Variants in CACNA1E observed in about 807,000 individuals in gnomAD.
The protein encoded by CACNA1E is voltage-dependent R-type calcium channel subunit alpha-1E.
A neutral mutation model predicts 259.2 loss-of-function variants in CACNA1E; 40 were observed. The observed-to-expected ratio is 0.15, with a 90% CI of 0.12 to 0.20. CACNA1E has a LOEUF of 0.20. Ranked by LOEUF, CACNA1E falls within the 10% of genes least tolerant of loss-of-function variation. CACNA1E has a pLI of 1.00. For missense variants in CACNA1E, 1,874 were observed against 3,040.1 expected (o/e 0.62, Z 9.02); for synonymous variants, 1,104 against 1,138.5 (o/e 0.97, Z 0.61).
intron 16 of CACNA1E, among the ~76,000 whole-genome samples, chr1:181,723,897 G>A (rs1454506346): frequency 2.6e-5 from 4 of 152,186 alleles, no homozygotes; most frequent in South Asian, 2.1e-4. Context: ...GAAGCTCTCC[G>A]AACCCTGTCC....
rs143725966 is a variant in CACNA1E at position 181,493,739 on chromosome 1, T to A, written c.266+9729T>A. 6.0e-3 allele frequency among the ~76,000 whole-genome samples: 921 copies of A among 152,284 alleles called. 8 individuals are homozygous for A. Among genetic ancestry groups the A allele is most frequent in the Non-Finnish European group, 7.7e-3 (526 of 68,028 alleles). On this transcript the variant is annotated intron_variant, in intron 1 of 47. Transcript: ENST00000367573. ...TTAAATTTTACTGACTTAATTTTAG[T>A]TAAGTTTAAATAGCCACATATGGCT... is the stretch of plus-strand genomic sequence containing the variant.
chr1:181,333,939 A>G (rs1335057066), intron 1 of CACNA1E, among the ~76,000 whole-genome samples: 2 of 152,248 alleles, frequency 1.3e-5, no homozygotes, highest in Non-Finnish European at 2.9e-5. Flanking sequence ...TACAGGCGTG[A>G]GCCACTACGC....
intron 7 of CACNA1E, among the ~76,000 whole-genome samples, chr1:181,682,652 G>A (rs181625812): frequency 1.3e-5 from 2 of 152,282 alleles, no homozygotes; most frequent in Admixed American, 6.5e-5. Context: ...CATGATTCTG[G>A]TATCTGCTGA....
intron 1 of CACNA1E, among the ~76,000 whole-genome samples, chr1:181,350,510 C>T (rs778947022): frequency 1.6e-4 from 24 of 152,168 alleles, no homozygotes; most frequent in Non-Finnish European, 2.9e-4. Context: ...GCTGGCTCCA[C>T]GTCTCCAATG....
At chr1:181,461,540 CAAAAAAAAAAAA>C (rs10607931) in intron 2 of CACNA1E, among the ~76,000 whole-genome samples, 1 of 82,044 alleles carries the variant, frequency 1.2e-5, no homozygotes, top group South Asian at 4.3e-4. Context: ...GACTCCATCT[CAAAAAAAAAAAA>C]AAAAAAAAAA....
At chr1:181,379,777 T>C (rs1233584818) in intron 1 of CACNA1E, among the ~76,000 whole-genome samples, 1 of 151,970 alleles carries the variant, frequency 6.6e-6, no homozygotes, top group African/African-American at 2.4e-5. Context: ...ACATATGAAT[T>C]TGAGGGGGAC....
chr1:181,528,546 G>T (rs1020460482), intron 3 of CACNA1E, among the ~76,000 whole-genome samples: 1 of 152,218 alleles, frequency 6.6e-6, no homozygotes, highest in Non-Finnish European at 1.5e-5. Flanking sequence ...AAAGGAAAAT[G>T]TGAGAAAGTT....
At position 181,801,643 on chromosome 1, in the gene CACNA1E, T is replaced by G. The variant is rs747092091; in HGVS notation, c.*2809T>G. 3 of 152,240 alleles carry G rather than the reference T, an allele frequency of 2.0e-5. No individual in the cohort carries two copies. Among genetic ancestry groups the G allele is most frequent in the Non-Finnish European group, 4.4e-5 (3 of 68,046 alleles). 9.4% of individuals were successfully genotyped at this position (152,240 alleles called of 1,614,324 possible). On this transcript the variant is annotated 3_prime_UTR_variant, in exon 48 of 48. Coordinates refer to ENST00000367573, the MANE Select transcript of CACNA1E (RefSeq NM_001205293.3). ...AAAGTGAATGCCAGCCTTCCCTTGC[T>G]GGGTGTCAGAGTCTGCCTCCCTTGA...
intron 2 of CACNA1E, among the ~76,000 whole-genome samples, chr1:181,420,707 C>T (rs1289568006): frequency 2.6e-5 from 4 of 152,040 alleles, no homozygotes; most frequent in African/African-American, 9.7e-5. Context: ...TAATAGGTAC[C>T]ATGATGAAGA....
intron 3 of CACNA1E, among the ~76,000 whole-genome samples, chr1:181,539,544 A>G (rs1002269250): frequency 6.6e-6 from 1 of 152,170 alleles, no homozygotes; most frequent in African/African-American, 2.4e-5. Flanking sequence ...GAGGAAGAAT[A>G]TATTATTCCC....
At chr1:181,509,987 A>T (rs1666028260) in intron 1 of CACNA1E, among the ~76,000 whole-genome samples, 1 of 152,234 alleles carries the variant, frequency 6.6e-6, no homozygotes, top group South Asian at 2.1e-4. Flanking sequence ...TCTAGAAGAG[A>T]GGACTCCAGT....
chr1:181,684,302 T>C (rs1650290462), intron 7 of CACNA1E, among the ~76,000 whole-genome samples: 1 of 152,204 alleles, frequency 6.6e-6, no homozygotes, highest in Non-Finnish European at 1.5e-5. Context: ...TGCTTGTTCA[T>C]GTCTTTTGTC....
chr1:181,470,979 C>T (rs147241018), intron 2 of CACNA1E, among the ~76,000 whole-genome samples: 10 of 152,200 alleles, frequency 6.6e-5, no homozygotes, highest in Non-Finnish European at 1.5e-4. Context: ...TTATTTCTCA[C>T]AGTTACGGAG....
chr1:181,364,181 A>T (rs745468830), intron 1 of CACNA1E, among the ~76,000 whole-genome samples: 7 of 152,124 alleles, frequency 4.6e-5, no homozygotes, highest in Non-Finnish European at 8.8e-5. Flanking sequence ...CTCAGATTTC[A>T]CTTTTGCATC....
At chr1:181,625,321 C>T (rs779432955) in intron 6 of CACNA1E, among the ~76,000 whole-genome samples, 11 of 152,120 alleles carry the variant, frequency 7.2e-5, no homozygotes, top group Non-Finnish European at 1.6e-4. Flanking sequence ...GTCGTCTTCT[C>T]TACTTACGAT....
At chr1:181,713,724 C>G (rs1653620849) in intron 8 of CACNA1E, among the ~76,000 whole-genome samples, 1 of 152,170 alleles carries the variant, frequency 6.6e-6, no homozygotes, top group South Asian at 2.1e-4. Flanking sequence ...CTCTGGCTCC[C>G]TGGCCTATGG....
At chr1:181,438,721 C>T (rs193219016) in intron 2 of CACNA1E, among the ~76,000 whole-genome samples, 14 of 152,224 alleles carry the variant, frequency 9.2e-5, no homozygotes, top group Admixed American at 4.6e-4. Context: ...GAAATTTGCA[C>T]GCGTACACTG....
intron 7 of CACNA1E, among the ~76,000 whole-genome samples, chr1:181,675,562 A>G (rs969319652): frequency 2.0e-5 from 3 of 152,242 alleles, no homozygotes; most frequent in Non-Finnish European, 4.4e-5. Context: ...TGAAAATTCT[A>G]GTTGCCATGA....
At chr1:181,527,169 C>T (rs1487654625) in intron 3 of CACNA1E, among the ~76,000 whole-genome samples, 4 of 152,194 alleles carry the variant, frequency 2.6e-5, no homozygotes, top group African/African-American at 9.7e-5. Flanking sequence ...AAATTTATTT[C>T]TCAACATTCT....
Sources: allele counts gnomAD v4.1 joint callset (sites outside exome capture counted in the v4.1 genomes callset), GRCh38; gene constraint gnomAD v4.1.1; transcripts MANE v1.5; gene names NCBI Gene and HGNC (gene_info 2026-07-23, HGNC 2026-07-21).